GLCCI1: variants seen among roughly 807,000 people sequenced by gnomAD.
The protein encoded by GLCCI1 is glucocorticoid-induced transcript 1 protein.
GLCCI1 carries 24 observed loss-of-function variants against 52.2 expected under a neutral mutation model. That is an observed-to-expected ratio of 0.46 (90% CI 0.33 to 0.65). The LOEUF is 0.65. Among genes scored for constraint, GLCCI1 ranks in the 30% least tolerant of loss-of-function variants. The pLI is 0.02. For synonymous variants in GLCCI1, 310 were observed against 276.5 expected (o/e 1.12, Z -1.20); for missense variants, 704 against 701.5 (o/e 1.00, Z -0.04).
intron 3 of GLCCI1, among the ~76,000 whole-genome samples, chr7:8,040,563 A>G (rs984608323): frequency 1.6e-5 from 2 of 124,982 alleles, no homozygotes; most frequent in African/African-American, 5.6e-5. Context: ...CACACACACC[A>G]ATGACTATTT....
At chr7:7,980,475 C>T (rs1780590178) in intron 1 of GLCCI1, 1 of 318,898 alleles carries the variant, frequency 3.1e-6, no homozygotes, top group Non-Finnish European at 5.7e-6. Flanking sequence ...GCTTTAATTT[C>T]TTGAGATATT....
rs113077358 is a variant in GLCCI1, at chr7:8,006,341, C to T, written c.609+2282C>T. 2.2e-3 allele frequency among the ~76,000 whole-genome samples: 335 copies of T among 152,118 alleles called. 1 individual carries two copies. The highest frequency in any genetic ancestry group is 7.3e-3 in the African/African-American group (304 of 41,488). On this transcript the variant is annotated intron_variant, in intron 2 of 7. Transcript: ENST00000223145. Reference sequence around the variant, plus strand: ...GAGAGTGCAGTATTGGAGATAATGCCAGAGTAGGAGACCCTACTATTTGAG... The same window carrying T: ...GAGAGTGCAGTATTGGAGATAATGCTAGAGTAGGAGACCCTACTATTTGAG...
intron 3 of GLCCI1, among the ~76,000 whole-genome samples, chr7:8,041,498 A>G (rs1235544373): frequency 6.6e-6 from 1 of 152,232 alleles, no homozygotes; most frequent in Non-Finnish European, 1.5e-5. Flanking sequence ...TGTACTGTGG[A>G]ATAAGATGTT....
chr7:8,013,778 C>CCTCT (rs1562428059), intron 2 of GLCCI1, among the ~76,000 whole-genome samples: 2 of 152,108 alleles, frequency 1.3e-5, no homozygotes. Flanking sequence ...TATTTAATAT[C>CCTCT]TAATTTACAT....
chr7:8,028,328 A>G (rs903400156), intron 3 of GLCCI1, among the ~76,000 whole-genome samples: 2 of 152,208 alleles, frequency 1.3e-5, no homozygotes, highest in African/African-American at 4.8e-5. Context: ...CCATACAAGC[A>G]CATGGAAGTT....
chr7:7,980,587 A>T, intron 1 of GLCCI1: 1 of 644,352 alleles, frequency 1.6e-6, no homozygotes. Flanking sequence ...AGGAGAGTCT[A>T]TTTTTGGCCT....
At chr7:8,075,831 C>T (rs1562451761) in intron 6 of GLCCI1, among the ~76,000 whole-genome samples, 1 of 152,126 alleles carries the variant, frequency 6.6e-6, no homozygotes, top group Non-Finnish European at 1.5e-5. Flanking sequence ...CTATATTTTC[C>T]TGAAGGAACA....
intron 1 of GLCCI1, among the ~76,000 whole-genome samples, chr7:7,990,548 CT>C (rs540711267): frequency 2.2e-4 from 34 of 152,050 alleles, no homozygotes; most frequent in Non-Finnish European, 4.0e-4. Flanking sequence ...TCCTGGCAAT[CT>C]TTTATGCACA....
intron 1 of GLCCI1, among the ~76,000 whole-genome samples, chr7:7,983,212 C>A (rs56070884): frequency 0.42 from 63,621 of 151,298 alleles, 13,587 homozygotes; most frequent in Middle Eastern, 0.5. Flanking sequence ...TGACTATAAC[C>A]ATGTAAGAAA....
chr7:8,031,092 G>A (rs1006400445), intron 3 of GLCCI1, among the ~76,000 whole-genome samples: 25 of 152,184 alleles, frequency 1.6e-4, no homozygotes, highest in African/African-American at 6.0e-4. Context: ...GCACTCCTAT[G>A]TTTGTTGCAG....
At chr7:8,061,393 C>T (rs1269076151) in intron 5 of GLCCI1, among the ~76,000 whole-genome samples, 3 of 152,096 alleles carry the variant, frequency 2.0e-5, no homozygotes, top group Admixed American at 6.5e-5. Flanking sequence ...AGCCACTGCA[C>T]CCAGCCTTTA....
At chr7:8,040,100 A>G (rs1356699061) in intron 3 of GLCCI1, among the ~76,000 whole-genome samples, 1 of 152,166 alleles carries the variant, frequency 6.6e-6, no homozygotes, top group African/African-American at 2.4e-5. Context: ...AAATAATAAA[A>G]AAGTATTTCA....
At chr7:8,011,462 G>A (rs547135328) in intron 2 of GLCCI1, among the ~76,000 whole-genome samples, 1 of 152,244 alleles carries the variant, frequency 6.6e-6, no homozygotes, top group East Asian at 1.9e-4. Flanking sequence ...CATTGTAGCT[G>A]TGTGTCAAAA....
chr7:8,016,490 A>G (rs1051114553), intron 2 of GLCCI1, among the ~76,000 whole-genome samples: 1 of 152,100 alleles, frequency 6.6e-6, no homozygotes, highest in African/African-American at 2.4e-5. Flanking sequence ...AAAAAAACCA[A>G]TTAAGATCAT....
chr7:8,080,842 T>G (rs1217656934), intron 6 of GLCCI1, among the ~76,000 whole-genome samples: 3 of 111,256 alleles, frequency 2.7e-5, no homozygotes, highest in African/African-American at 9.5e-5. Context: ...GGTTTTGGGG[T>G]TTTTTTTTTT....
At chr7:8,084,560 G>T (rs1238434759) in intron 6 of GLCCI1, 1 of 185,282 alleles carries the variant, frequency 5.4e-6, no homozygotes, top group Non-Finnish European at 1.1e-5. Flanking sequence ...TTATTCTTCT[G>T]TGTGACTTAA....
intron 3 of GLCCI1, among the ~76,000 whole-genome samples, chr7:8,037,672 G>T (rs1214346839): frequency 6.6e-6 from 1 of 152,040 alleles, no homozygotes; most frequent in Non-Finnish European, 1.5e-5. Flanking sequence ...CTAAAGACAC[G>T]TAAAGACTCA....
intron 3 of GLCCI1, among the ~76,000 whole-genome samples, chr7:8,029,115 C>T (rs148071759): frequency 6.6e-6 from 1 of 152,214 alleles, no homozygotes; most frequent in East Asian, 1.9e-4. Flanking sequence ...ACTAGTATTA[C>T]CCTGCTACCA....
chr7:8,073,195 C>T (rs1388607097), intron 6 of GLCCI1, among the ~76,000 whole-genome samples: 1 of 152,022 alleles, frequency 6.6e-6, no homozygotes, highest in Non-Finnish European at 1.5e-5. Context: ...GACATAAAAC[C>T]TGCATTAATT....
Sources: allele counts gnomAD v4.1 joint callset (sites outside exome capture counted in the v4.1 genomes callset), GRCh38; gene constraint gnomAD v4.1.1; transcripts MANE v1.5; gene names NCBI Gene and HGNC (gene_info 2026-07-23, HGNC 2026-07-21).